TRIM9: variants seen among roughly 807,000 people sequenced by gnomAD.
TRIM9 encodes the protein E3 ubiquitin-protein ligase TRIM9.
Under a neutral mutation model 78.3 loss-of-function variants are expected in TRIM9, and 26 were observed. The observed-to-expected ratio is 0.33, with a 90% confidence interval of 0.24 to 0.46. The LOEUF is 0.46. Ranked by LOEUF, TRIM9 falls within the 20% of genes least tolerant of loss-of-function variation. The pLI is 1.00. For missense variants in TRIM9, 787 were observed against 1,036.4 expected (o/e 0.76, Z 3.30); for synonymous variants, 398 against 416.5 (o/e 0.96, Z 0.54).
chr14:51,003,074 A>T (rs1378749578), intron 5 of TRIM9, among the ~76,000 whole-genome samples: 2 of 152,240 alleles, frequency 1.3e-5, no homozygotes, highest in African/African-American at 4.8e-5. Flanking sequence ...CACAGAAGAC[A>T]TAATGCCTTC....
intron 7 of TRIM9, among the ~76,000 whole-genome samples, chr14:50,991,387 A>C (rs1219605364): frequency 6.6e-6 from 1 of 152,172 alleles, no homozygotes. Flanking sequence ...GAAACCTATC[A>C]TTATGCCTCT....
At chr14:50,978,968 G>T in intron 12 of TRIM9, 1 of 1,115,130 alleles carries the variant, frequency 9.0e-7, no homozygotes, top group Non-Finnish European at 1.1e-6. Flanking sequence ...CAGAGAAGAT[G>T]CTCAGATTTT....
intron 1 of TRIM9, among the ~76,000 whole-genome samples, chr14:51,026,105 G>A (rs1365032147): frequency 2.0e-5 from 3 of 152,156 alleles, no homozygotes; most frequent in Admixed American, 6.5e-5. Flanking sequence ...CAATCCTGAC[G>A]GACGACACCT....
intron 1 of TRIM9, among the ~76,000 whole-genome samples, chr14:51,070,112 G>C (rs892628241): frequency 6.6e-6 from 1 of 152,070 alleles, no homozygotes; most frequent in African/African-American, 2.4e-5. Context: ...GGTGCTTTTT[G>C]GTGGTGCATT....
chr14:51,021,002 AGTT>A (rs1284750659), intron 3 of TRIM9, among the ~76,000 whole-genome samples: 4 of 152,370 alleles, frequency 2.6e-5, no homozygotes, highest in Non-Finnish European at 4.4e-5. Context: ...GTACTTAAAT[AGTT>A]GTTCCACTAT....
intron 1 of TRIM9, among the ~76,000 whole-genome samples, chr14:51,065,092 T>C (rs2061633280): frequency 2.0e-5 from 3 of 152,082 alleles, no homozygotes; most frequent in African/African-American, 7.2e-5. Flanking sequence ...AAAAAATAGC[T>C]CAACATTTTG....
intron 5 of TRIM9, among the ~76,000 whole-genome samples, chr14:51,005,915 AAG>A (rs1270241696): frequency 1.3e-5 from 2 of 152,236 alleles, no homozygotes; most frequent in Non-Finnish European, 2.9e-5. Context: ...CGTAGCTAAT[AAG>A]AGAGTAAAAC....
chr14:51,011,497 C>T (rs1033345214), intron 3 of TRIM9, among the ~76,000 whole-genome samples: 3 of 152,098 alleles, frequency 2.0e-5, no homozygotes, highest in East Asian at 1.9e-4. Flanking sequence ...GTTTTTGAAG[C>T]GTAAAATTGA....
intron 1 of TRIM9, among the ~76,000 whole-genome samples, chr14:51,062,510 C>A (rs1169578412): frequency 6.6e-6 from 1 of 152,078 alleles, no homozygotes; most frequent in Non-Finnish European, 1.5e-5. Context: ...TATTTGAAAA[C>A]TATTTGAAGG....
intron 6 of TRIM9, among the ~76,000 whole-genome samples, chr14:50,999,843 G>C (rs151031216): frequency 1.5e-3 from 231 of 152,292 alleles, no homozygotes; most frequent in African/African-American, 5.2e-3. Context: ...GGATGGATGA[G>C]AATGAAGCTC....
chr14:51,031,759 A>G (rs114011368), intron 1 of TRIM9, among the ~76,000 whole-genome samples: 2,735 of 152,290 alleles, frequency 0.018, 59 homozygotes, highest in African/African-American at 0.053. Context: ...TAGCCCTGCC[A>G]CTGACCCAGG....
chr14:51,015,505 C>CTTTTCTTTTTTTTTTTTTTTTT (rs1555338411), intron 3 of TRIM9, among the ~76,000 whole-genome samples: 1 of 61,330 alleles, frequency 1.6e-5, no homozygotes, highest in African/African-American at 6.8e-5. Flanking sequence ...CTTTACTTTT[C>CTTTTCTTTTTTTTTTTTTTTTT]TTTTTTTTTT....
intron 1 of TRIM9, among the ~76,000 whole-genome samples, chr14:51,032,488 C>T (rs1596226849): frequency 2.6e-5 from 4 of 152,366 alleles, no homozygotes; most frequent in Admixed American, 2.6e-4. Context: ...TGTCCCATGG[C>T]AAGTGAATGG....
intron 7 of TRIM9, chr14:50,996,557 T>C: frequency 1.0e-6 from 1 of 985,470 alleles, no homozygotes; most frequent in Non-Finnish European, 1.2e-6. Context: ...TTCTCTCTGC[T>C]CTGCAGGCAT....
At chr14:51,089,502 A>G (rs2140364451) in intron 1 of TRIM9, 1 of 152,352 alleles carries the variant, frequency 6.6e-6, no homozygotes, top group East Asian at 1.9e-4. Context: ...ATTTGACCTG[A>G]AACTCCAATT....
intron 1 of TRIM9, among the ~76,000 whole-genome samples, chr14:51,082,916 G>T (rs59517672): frequency 0.088 from 13,418 of 152,112 alleles, 847 homozygotes; most frequent in African/African-American, 0.19. Flanking sequence ...ACAGAGTCTG[G>T]CTCTTTAAGG....
chr14:50,982,812 C>G (rs1457251258), intron 10 of TRIM9, 130 bp downstream of exon 10: 7 of 851,278 alleles, frequency 8.2e-6, no homozygotes, highest in Non-Finnish European at 1.3e-5. Flanking sequence ...CATTGTTACG[C>G]CCCAAGTTCT....
intron 1 of TRIM9, among the ~76,000 whole-genome samples, chr14:51,080,897 T>G (rs902202704): frequency 2.0e-5 from 3 of 152,236 alleles, no homozygotes; most frequent in Non-Finnish European, 2.9e-5. Context: ...GACTTTTCCA[T>G]GTTTCCTGTT....
intron 1 of TRIM9, among the ~76,000 whole-genome samples, chr14:51,027,556 C>T (rs2058363716): frequency 6.6e-6 from 1 of 152,168 alleles, no homozygotes; most frequent in Non-Finnish European, 1.5e-5. Flanking sequence ...CATTTTCGAT[C>T]ACCTGTACTT....
Sources: allele counts gnomAD v4.1 joint callset (sites outside exome capture counted in the v4.1 genomes callset), GRCh38; gene constraint gnomAD v4.1.1; transcripts MANE v1.5; gene names NCBI Gene and HGNC (gene_info 2026-07-23, HGNC 2026-07-21).